The following LMX1A variants were observed in gnomAD, a reference collection of about 807,000 sequenced individuals.
The protein encoded by LMX1A is LIM homeobox transcription factor 1-alpha.
A neutral mutation model predicts 49.1 loss-of-function variants in LMX1A; 15 were observed. The ratio of observed to expected loss-of-function variants is 0.31; its 90% CI spans 0.20 to 0.47. The LOEUF (loss-of-function observed/expected upper bound fraction) is 0.47. LMX1A is among the 20% of genes least tolerant of loss of function. LMX1A has a pLI of 1.00. For missense variants in LMX1A, 372 were observed against 475.8 expected, an observed-to-expected ratio of 0.78 and a Z score of 2.03; for synonymous variants, 167 against 185.7, an observed-to-expected ratio of 0.90 and a Z score of 0.82.
chr1:165,285,902 G>A (rs1432591561), intron 3 of LMX1A, among the ~76,000 whole-genome samples: 1 of 152,178 alleles, frequency 6.6e-6, no homozygotes, highest in Non-Finnish European at 1.5e-5. Flanking sequence ...CTGCTCCCTG[G>A]TGTTGATCAG....
At chr1:165,215,240 G>C (rs906418984) in intron 4 of LMX1A, among the ~76,000 whole-genome samples, 1 of 152,146 alleles carries the variant, frequency 6.6e-6, no homozygotes, top group African/African-American at 2.4e-5. Context: ...GAATCCGGGA[G>C]GTGGAAGTTG....
At chr1:165,346,125 A>G (rs2101767598) in intron 3 of LMX1A, among the ~76,000 whole-genome samples, 1 of 152,322 alleles carries the variant, frequency 6.6e-6, no homozygotes, top group East Asian at 1.9e-4. Context: ...ATGGAGTTCA[A>G]TCAAACCTGT....
chr1:165,289,600 A>G (rs1458232190), intron 3 of LMX1A, among the ~76,000 whole-genome samples: 3 of 152,274 alleles, frequency 2.0e-5, no homozygotes, highest in Admixed American at 6.5e-5. Flanking sequence ...CTGAATAGTC[A>G]TTAGGTGCAC....
intron 3 of LMX1A, among the ~76,000 whole-genome samples, chr1:165,331,952 AAC>A (rs1245123048): frequency 2.0e-5 from 3 of 152,130 alleles, no homozygotes; most frequent in African/African-American, 7.2e-5. Flanking sequence ...GTAAATAAAG[AAC>A]ACAGAGGGGA....
intron 3 of LMX1A, among the ~76,000 whole-genome samples, chr1:165,322,745 G>T (rs1267313039): frequency 6.6e-6 from 1 of 152,024 alleles, no homozygotes; most frequent in Non-Finnish European, 1.5e-5. Context: ...ATTAGATAAT[G>T]GTTGCACAAA....
intron 3 of LMX1A, among the ~76,000 whole-genome samples, chr1:165,285,495 G>A (rs1310018772): frequency 6.6e-6 from 1 of 152,190 alleles, no homozygotes; most frequent in Non-Finnish European, 1.5e-5. Context: ...GAGCTGTTCT[G>A]TGTCTCTGCG....
chr1:165,322,418 C>CA (rs1655443926), intron 3 of LMX1A, among the ~76,000 whole-genome samples: 1 of 152,140 alleles, frequency 6.6e-6, no homozygotes, highest in South Asian at 2.1e-4. Context: ...AAGGTAGAAA[C>CA]AACCCAAATG....
At chr1:165,215,614 T>G (rs1368534941) in intron 4 of LMX1A, among the ~76,000 whole-genome samples, 1 of 152,206 alleles carries the variant, frequency 6.6e-6, no homozygotes, top group Non-Finnish European at 1.5e-5. Flanking sequence ...GAGTTCTCAT[T>G]TTTGGCTCTG....
At chr1:165,244,603 GAGAGC>G (rs896124554) in intron 4 of LMX1A, among the ~76,000 whole-genome samples, 1 of 152,132 alleles carries the variant, frequency 6.6e-6, no homozygotes, top group Non-Finnish European at 1.5e-5. Context: ...ATGTGGAGTG[GAGAGC>G]AGAGAGGAGA....
intron 3 of LMX1A, among the ~76,000 whole-genome samples, chr1:165,251,376 C>G (rs1653056022): frequency 6.6e-6 from 1 of 152,194 alleles, no homozygotes; most frequent in Non-Finnish European, 1.5e-5. Context: ...AGCCACTGCT[C>G]CAGGCTTGAA....
chr1:165,355,451 AG>A lies in LMX1A; in HGVS notation c.76+32del. 6.2e-7 allele frequency: 1 copy of A among 1,606,056 alleles called. No homozygotes were observed. Among genetic ancestry groups the A allele is most frequent in the East Asian group, 2.2e-5 (1 of 44,792 alleles). On this transcript the variant is annotated intron_variant, in intron 2 of 8. Transcript: ENST00000342310. This position sits in a 1 kb window ranked among gnomAD's most constrained non-coding sequence, Gnocchi z 4.7. ...AGAGCTCAGCGCCAAGCGGAAAGAG[AG>A]TGCGCCCAGGACGCACGGCCTGAAC...
chr1:165,206,095 G>A, intron 7 of LMX1A, 61 bp from the exon 8 acceptor site: 1 of 1,419,254 alleles, frequency 7.0e-7, no homozygotes, highest in Non-Finnish European at 9.5e-7. Context: ...TGATTTCCCT[G>A]GGTCCTGATT....
intron 3 of LMX1A, among the ~76,000 whole-genome samples, chr1:165,269,810 G>A (rs906844436): frequency 9.2e-5 from 14 of 152,108 alleles, no homozygotes; most frequent in African/African-American, 9.7e-5. Context: ...ACCAAGCACC[G>A]CATGTTCTCA....
intron 3 of LMX1A, among the ~76,000 whole-genome samples, chr1:165,309,616 G>T (rs1655017652): frequency 6.6e-6 from 1 of 152,132 alleles, no homozygotes; most frequent in African/African-American, 2.4e-5. Flanking sequence ...GATTATTGGG[G>T]TAATTTGTAC....
intron 3 of LMX1A, among the ~76,000 whole-genome samples, chr1:165,327,336 G>A (rs971337419): frequency 6.6e-6 from 1 of 152,170 alleles, no homozygotes; most frequent in African/African-American, 2.4e-5. Flanking sequence ...CCAAGCAGAG[G>A]CTCAAGCCAT....
chr1:165,333,443 G>A (rs989246663), intron 3 of LMX1A, among the ~76,000 whole-genome samples: 7 of 152,146 alleles, frequency 4.6e-5, no homozygotes, highest in African/African-American at 1.7e-4. Flanking sequence ...ACAGGCATGA[G>A]CCACTGTGCT....
chr1:165,288,706 A>G (rs1235536769), intron 3 of LMX1A, among the ~76,000 whole-genome samples: 2 of 152,184 alleles, frequency 1.3e-5, no homozygotes, highest in Admixed American at 6.5e-5. Flanking sequence ...GTGCGTGTGT[A>G]TGCGTGTTTG....
intron 3 of LMX1A, among the ~76,000 whole-genome samples, chr1:165,343,769 A>G (rs965488795): frequency 6.6e-6 from 1 of 152,228 alleles, no homozygotes; most frequent in Non-Finnish European, 1.5e-5. Context: ...AGCCATTCAT[A>G]TAGATAAACA....
At chr1:165,307,550 C>T (rs1263568152) in intron 3 of LMX1A, among the ~76,000 whole-genome samples, 3 of 152,226 alleles carry the variant, frequency 2.0e-5, no homozygotes, top group African/African-American at 4.8e-5. Context: ...CAAGATTATG[C>T]TATGCCTAGA....
Sources: allele counts gnomAD v4.1 joint callset (sites outside exome capture counted in the v4.1 genomes callset), GRCh38; gene constraint gnomAD v4.1.1; non-coding constraint Gnocchi (gnomAD v3.1); transcripts MANE v1.5; gene names NCBI Gene and HGNC (gene_info 2026-07-23, HGNC 2026-07-21).